EYA4: variants seen among roughly 807,000 people sequenced by gnomAD.
EYA4 encodes EYA transcriptional coactivator and phosphatase 4.
A neutral mutation model predicts 87.9 loss-of-function variants in EYA4; 31 were observed. That is an observed-to-expected ratio of 0.35 (90% confidence interval 0.27 to 0.48). EYA4 has a LOEUF of 0.48. EYA4 is among the 20% of genes least tolerant of loss of function. The probability of loss-of-function intolerance (pLI) is 0.99; values close to 1 mark genes in which losing one functional copy is unlikely to be tolerated. For synonymous variants in EYA4, 263 were observed against 270.6 expected, an observed-to-expected ratio of 0.97 and a Z score of 0.28; for missense variants, 678 against 761.4, an observed-to-expected ratio of 0.89 and a Z score of 1.29.
chr6:133,525,741 T>C (rs2128818835), intron 19 of EYA4, among the ~76,000 whole-genome samples: 1 of 152,252 alleles, frequency 6.6e-6, no homozygotes, highest in East Asian at 1.9e-4. Context: ...CTGCATGCCA[T>C]ATGGTCCTCG....
intron 3 of EYA4, among the ~76,000 whole-genome samples, chr6:133,411,957 AGAG>A (rs1353355143): frequency 6.6e-6 from 1 of 152,250 alleles, no homozygotes; most frequent in Non-Finnish European, 1.5e-5. Context: ...CCAGCATGGC[AGAG>A]GAGTTCTTGT....
chr6:133,525,736 T>A (rs1294240194), intron 19 of EYA4, among the ~76,000 whole-genome samples: 1 of 152,164 alleles, frequency 6.6e-6, no homozygotes, highest in Non-Finnish European at 1.5e-5. Context: ...GAGACCTGCA[T>A]GCCATATGGT....
intron 2 of EYA4, among the ~76,000 whole-genome samples, chr6:133,312,249 G>T (rs935584053): frequency 6.6e-6 from 1 of 152,130 alleles, no homozygotes; most frequent in Admixed American, 6.5e-5. Flanking sequence ...TAAGCTGAAT[G>T]TGGGGAGGGG....
At position 133,531,273 on chromosome 6, in the gene EYA4, T is replaced by C; in HGVS notation, c.*2468T>C. The C allele has an allele frequency of 7.0e-7, 1 of 1,419,240 alleles. No individual in the cohort carries two copies. The highest frequency in any genetic ancestry group is 1.2e-5 in the South Asian group (1 of 81,660). 87.9% of individuals were successfully genotyped at this position (1,419,240 alleles called of 1,614,324 possible). A position where few individuals can be genotyped will look rare whatever the true frequency, so the allele number is the denominator to read the frequency against. On this transcript the variant is annotated 3_prime_UTR_variant, in exon 20 of 20. Coordinates refer to ENST00000355286, the MANE Select transcript of EYA4 (RefSeq NM_004100.5). The stretch of plus-strand genomic sequence containing the variant: ...GAGAACAGCTTGTCTGGCACAACAA[T>C]GGTGCAGGCCCACGAGCCAGCATCA...
chr6:133,414,740 A>G (rs1562393119), intron 3 of EYA4, among the ~76,000 whole-genome samples: 1 of 152,166 alleles, frequency 6.6e-6, no homozygotes, highest in East Asian at 1.9e-4. Context: ...GATGTTCAAT[A>G]TCTTGAGAAA....
chr6:133,290,252 G>A (rs541299660), intron 2 of EYA4, among the ~76,000 whole-genome samples: 1 of 152,314 alleles, frequency 6.6e-6, no homozygotes, highest in Non-Finnish European at 1.5e-5. Context: ...AGTGTGGCTT[G>A]AGAGTTGGCA....
At chr6:133,355,090 T>C (rs1050412354) in intron 2 of EYA4, among the ~76,000 whole-genome samples, 2 of 152,228 alleles carry the variant, frequency 1.3e-5, no homozygotes, top group Non-Finnish European at 2.9e-5. Flanking sequence ...CTTTCTTTTT[T>C]TCTAACTTTT....
intron 2 of EYA4, among the ~76,000 whole-genome samples, chr6:133,331,032 T>G (rs1410002728): frequency 7.2e-4 from 108 of 150,426 alleles, no homozygotes; most frequent in African/African-American, 2.5e-3. Flanking sequence ...AACGGGTTTT[T>G]TTTTTTTTTT....
chr6:133,363,682 A>G (rs1013208124), intron 2 of EYA4, among the ~76,000 whole-genome samples: 25 of 152,018 alleles, frequency 1.6e-4, no homozygotes, highest in South Asian at 1.2e-3. Context: ...TCACTGTGTT[A>G]GCCAGGATGG....
rs189533266 is a variant in EYA4 at position 133,463,823 on chromosome 6, C to G, written c.725-956C>G. ...GGTATGACATTTTGGTCAATTGATT[C>G]AAATGAAATAATTACTTAGATATGT... is the stretch of plus-strand genomic sequence containing the variant. On this transcript the variant is annotated intron_variant, in intron 9 of 19. Transcript: ENST00000355286. Among the ~76,000 whole-genome samples the G allele has an allele frequency of 6.6e-5, 10 of 152,230 alleles. No homozygotes were observed. In the East Asian group the frequency reaches 1.9e-3, roughly 29 times the overall value.
Position 133,530,415 on chromosome 6 carries a change from G to C in EYA4, c.*1610G>C, listed in dbSNP as rs1800942052. ...TATTTCCTATGACACGATTTCCCTT[G>C]TGGAAATTTAAGACTTTAAGAACTA... is the stretch of plus-strand genomic sequence containing the variant. On this transcript the variant is annotated 3_prime_UTR_variant, in exon 20 of 20. Coordinates refer to ENST00000355286, the MANE Select transcript of EYA4 (RefSeq NM_004100.5). The C allele has an allele frequency of 1.0e-6, 1 of 985,238 alleles. No homozygotes were observed. Among genetic ancestry groups the C allele is most frequent in the African/African-American group, 1.7e-5 (1 of 57,212 alleles). The allele number at this position is 985,238 out of a possible 1,614,324, so 61.0% of individuals were successfully genotyped here.
chr6:133,379,704 A>G (rs1786010639), intron 2 of EYA4, among the ~76,000 whole-genome samples: 1 of 152,100 alleles, frequency 6.6e-6, no homozygotes, highest in African/African-American at 2.4e-5. Context: ...GACAGATTGA[A>G]TGGTTCAAAG....
At chr6:133,316,850 G>A (rs1252372993) in intron 2 of EYA4, among the ~76,000 whole-genome samples, 3 of 152,134 alleles carry the variant, frequency 2.0e-5, no homozygotes, top group African/African-American at 4.8e-5. Flanking sequence ...TGTGTTGGCC[G>A]AGAGGTGCTC....
At chr6:133,347,446 T>G (rs1783280690) in intron 2 of EYA4, among the ~76,000 whole-genome samples, 1 of 152,188 alleles carries the variant, frequency 6.6e-6, no homozygotes, top group African/African-American at 2.4e-5. Flanking sequence ...ACACTTAAAA[T>G]GGAGATTTAC....
chr6:133,250,369 C>T (rs561502617), intron 1 of EYA4, among the ~76,000 whole-genome samples: 82 of 152,156 alleles, frequency 5.4e-4, no homozygotes, highest in African/African-American at 1.8e-3. Flanking sequence ...GGGCTGGGCG[C>T]GGTGGCTCAC....
At chr6:133,458,416 CT>C (rs1794091650) in intron 6 of EYA4, among the ~76,000 whole-genome samples, 1 of 152,096 alleles carries the variant, frequency 6.6e-6, no homozygotes, top group African/African-American at 2.4e-5. Flanking sequence ...TGTTTAACAG[CT>C]GCATGTGGTT....
chr6:133,489,320 G>A (rs947189940), intron 13 of EYA4, among the ~76,000 whole-genome samples: 2 of 151,958 alleles, frequency 1.3e-5, no homozygotes, highest in Non-Finnish European at 2.9e-5. Flanking sequence ...ATGGAGGGGT[G>A]GGGCTAGAAG....
At chr6:133,492,006 C>A (rs943258870) in intron 13 of EYA4, among the ~76,000 whole-genome samples, 10 of 148,554 alleles carry the variant, frequency 6.7e-5, no homozygotes, top group Non-Finnish European at 1.2e-4. Flanking sequence ...GACCCTATGA[C>A]TTTACTGCTG....
In EYA4 at chr6:133,258,212, C is replaced by T. The variant is rs549715406; in HGVS notation, c.-66+16463C>T. 5.0e-4 allele frequency among the ~76,000 whole-genome samples: 76 copies of T among 151,884 alleles called. 1 individual carries two copies. In the South Asian group the frequency reaches 7.5e-3, roughly 15 times the overall value. On this transcript the variant is annotated intron_variant, in intron 1 of 19. Coordinates refer to ENST00000355286, the MANE Select transcript of EYA4 (RefSeq NM_004100.5). ...AGATGCCTGGGGCATAGAGTGGGGA[C>T]GAGGAAAAACCATAGCACTCTTAGA...
Sources: allele counts gnomAD v4.1 joint callset (sites outside exome capture counted in the v4.1 genomes callset), GRCh38; gene constraint gnomAD v4.1.1; transcripts MANE v1.5; gene names NCBI Gene and HGNC (gene_info 2026-07-23, HGNC 2026-07-21).